The following EYS variants were observed in gnomAD, a reference collection of about 807,000 sequenced individuals.
EYS encodes the protein protein eyes shut homolog.
In EYS, 250 loss-of-function variants were observed where a neutral mutation model predicts 282.1. The ratio of observed to expected loss-of-function variants is 0.89; its 90% CI spans 0.80 to 0.98. The LOEUF (loss-of-function observed/expected upper bound fraction) is 0.98, where lower values mean the gene tolerates loss of function less well. Ranked by LOEUF, EYS falls within the 50% of genes least tolerant of loss-of-function variation. EYS has a pLI of 0.00. For synonymous variants in EYS, 1,355 were observed against 1,282.9 expected (o/e 1.06, Z -1.20); for missense variants, 4,016 against 3,709.0 (o/e 1.08, Z -2.15).
In EYS at chr6:65,624,999, T is replaced by TAGTGAGCC. The variant is rs1282336487; in HGVS notation, c.-333+14771_-333+14778dup. Reference sequence around the variant, plus strand: ...ATCTATCCTATTAATGTTGTTCCTCTAGTGAGCCCTGAATAATACAGATGC... The same window carrying TAGTGAGCC: ...ATCTATCCTATTAATGTTGTTCCTCTAGTGAGCCAGTGAGCCCTGAATAATACAGATGC... On this transcript the variant is annotated intron_variant, in intron 2 of 42. Transcript: ENST00000503581. Among the ~76,000 whole-genome samples, 4 of 152,128 alleles carry TAGTGAGCC rather than the reference T, an allele frequency of 2.6e-5. No homozygotes were observed. The East Asian group carries it at 7.8e-4, about 30-fold the overall frequency.
At chr6:64,274,220 T>A (rs575241125) in intron 30 of EYS, among the ~76,000 whole-genome samples, 1 of 152,300 alleles carries the variant, frequency 6.6e-6, no homozygotes, top group African/African-American at 2.4e-5. Context: ...CCCCTTGACC[T>A]GCCTGAGTGC....
At chr6:63,984,269 G>C in intron 35 of EYS, 114 bp downstream of exon 35, 1 of 721,578 alleles carries the variant, frequency 1.4e-6, no homozygotes, top group Non-Finnish European at 2.3e-6. Flanking sequence ...AGAAAAACTT[G>C]AGAATTCTGG....
chr6:65,447,287 ACT>A (rs67001392), intron 5 of EYS, among the ~76,000 whole-genome samples: 1 of 143,982 alleles, frequency 6.9e-6, no homozygotes, highest in Non-Finnish European at 1.5e-5. Flanking sequence ...ACAGAACCTG[ACT>A]CTCTTTCTTT....
At chr6:64,980,414 T>A (rs1770616502) in intron 14 of EYS, among the ~76,000 whole-genome samples, 1 of 151,498 alleles carries the variant, frequency 6.6e-6, no homozygotes, top group Non-Finnish European at 1.5e-5. Context: ...AGCCTCAAGA[T>A]AATTCTCCAG....
rs1765374805 is a variant in EYS, at chr6:63,945,644, A to G, written c.7055+38739T>C. Among the ~76,000 whole-genome samples, 4 of 152,346 alleles carry G rather than the reference A, an allele frequency of 2.6e-5. No homozygotes were observed. In the South Asian group the frequency reaches 8.3e-4, roughly 32 times the overall value. On this transcript the variant is annotated intron_variant, in intron 35 of 42. Coordinates refer to ENST00000503581, the MANE Select transcript of EYS (RefSeq NM_001142800.2). ...ATTACTGAGTTAAGTGCAAATTTATAGTCAATAAATCCAGGGAAATGAAAT... is the reference window on the plus strand; with the variant it reads ...ATTACTGAGTTAAGTGCAAATTTATGGTCAATAAATCCAGGGAAATGAAAT...
chr6:64,791,973 C>T (rs1031888657), intron 22 of EYS, among the ~76,000 whole-genome samples: 5 of 151,840 alleles, frequency 3.3e-5, no homozygotes, highest in African/African-American at 1.2e-4. Context: ...TGGTCCATAG[C>T]ATTGTTTTCT....
intron 16 of EYS, among the ~76,000 whole-genome samples, chr6:64,906,692 T>A (rs1767836793): frequency 6.6e-6 from 1 of 152,210 alleles, no homozygotes; most frequent in Admixed American, 6.5e-5. Context: ...TTGTGAGGCA[T>A]CTTTGCCACA....
At chr6:64,210,640 A>C (rs1316789104) in intron 31 of EYS, among the ~76,000 whole-genome samples, 1 of 152,224 alleles carries the variant, frequency 6.6e-6, no homozygotes, top group African/African-American at 2.4e-5. Flanking sequence ...AGAAACTTTA[A>C]AAATAATGGC....
chr6:64,236,219 C>T (rs989280543), intron 30 of EYS, among the ~76,000 whole-genome samples: 1 of 152,162 alleles, frequency 6.6e-6, no homozygotes, highest in Non-Finnish European at 1.5e-5. Flanking sequence ...GTGCTCCATC[C>T]GCCTTGGCCT....
At chr6:65,337,962 A>G (rs1280337984) in intron 10 of EYS, among the ~76,000 whole-genome samples, 1 of 151,094 alleles carries the variant, frequency 6.6e-6, no homozygotes, top group African/African-American at 2.4e-5. Context: ...TTTCAAAATA[A>G]TTATTACTGG....
chr6:65,360,955 T>C (rs1413066717), intron 8 of EYS, among the ~76,000 whole-genome samples: 1 of 152,084 alleles, frequency 6.6e-6, no homozygotes, highest in African/African-American at 2.4e-5. Flanking sequence ...TTTTCCATAT[T>C]TCCATCTATA....
At chr6:64,447,175 C>T (rs1166614040) in intron 26 of EYS, among the ~76,000 whole-genome samples, 3 of 151,936 alleles carry the variant, frequency 2.0e-5, no homozygotes, top group Non-Finnish European at 2.9e-5. Flanking sequence ...TGTGTATTAC[C>T]CACAGATACT....
rs1769251603 is a variant in EYS, at chr6:65,691,723, T to G, written c.-448+15412A>C. On this transcript the variant is annotated intron_variant, in intron 1 of 42. Transcript: ENST00000503581. ...GGGCTTTAGGGTTTTAGGTCTTACA[T>G]TTAAGTTTTTAATCCATCTTGAGTT... Among the ~76,000 whole-genome samples the G allele has an allele frequency of 2.0e-5, 3 of 150,428 alleles. 1 individual carries two copies. Among genetic ancestry groups the G allele is most frequent in the Non-Finnish European group, 4.4e-5 (3 of 67,766 alleles).
At chr6:64,902,063 G>A in intron 18 of EYS, 50 bp downstream of exon 18, 1 of 1,065,094 alleles carries the variant, frequency 9.4e-7, no homozygotes. Context: ...TCACTTTCTT[G>A]TTGAATTACA....
In EYS at chr6:63,779,741, C is replaced by CT. The variant is rs148280923; in HGVS notation, c.7724-1562dup. The stretch of plus-strand genomic sequence containing the variant: ...TTTTTTTGGAGGCATAAAAAGCTTT[C>CT]TTTTTCTTTTTTTTGTCATTGTTAT... On this transcript the variant is annotated intron_variant, in intron 39 of 42. Coordinates refer to ENST00000503581, the MANE Select transcript of EYS (RefSeq NM_001142800.2). 8.5e-3 allele frequency among the ~76,000 whole-genome samples: 1,137 copies of CT among 133,880 alleles called. 9 individuals carry two copies. The highest frequency in any genetic ancestry group is 0.019 in the African/African-American group (682 of 35,036). The allele number at this position is 133,880 out of a possible 152,430, so 87.8% of individuals were successfully genotyped here. A position where few individuals can be genotyped will look rare whatever the true frequency, so the allele number is the denominator to read the frequency against.
chr6:64,871,785 G>T (rs1766604237), intron 19 of EYS, among the ~76,000 whole-genome samples: 1 of 152,034 alleles, frequency 6.6e-6, no homozygotes. Context: ...GGTTTCACCA[G>T]AGTATTTTTG....
At chr6:65,074,944 G>A (rs909167952) in intron 12 of EYS, among the ~76,000 whole-genome samples, 3 of 151,816 alleles carry the variant, frequency 2.0e-5, no homozygotes, top group African/African-American at 7.3e-5. Context: ...TAAGAGTTTC[G>A]GTAATTTTTA....
chr6:64,245,888 G>T (rs1358480012), intron 30 of EYS, among the ~76,000 whole-genome samples: 2 of 151,588 alleles, frequency 1.3e-5, no homozygotes, highest in Non-Finnish European at 2.9e-5. Flanking sequence ...GCATGGTGGC[G>T]CACGCCTGTA....
In EYS at chr6:65,514,345, G is replaced by A. The variant is rs186896499; in HGVS notation, c.-332-18352C>T. On this transcript the variant is annotated intron_variant, in intron 2 of 42. Transcript: ENST00000503581. ...TTTATGGGTAGGAAGAATCAATATCGTGAAAATGGCCACACTGCCCAAGGT... is the reference window on the plus strand; with the variant it reads ...TTTATGGGTAGGAAGAATCAATATCATGAAAATGGCCACACTGCCCAAGGT... Among the ~76,000 whole-genome samples the A allele has an allele frequency of 1.3e-3, 205 of 152,264 alleles. 3 individuals carry two copies. Among genetic ancestry groups the A allele is most frequent in the Non-Finnish European group, 1.5e-3 (99 of 68,040 alleles).
Sources: gnomAD v4.1 joint callset for allele counts (sites outside exome capture counted in the v4.1 genomes callset) on GRCh38, gnomAD v4.1.1 for gene constraint, MANE v1.5 for transcripts, NCBI Gene and HGNC (gene_info 2026-07-23, HGNC 2026-07-21) for gene names.